PHLPP1: variants seen among roughly 807,000 people sequenced by gnomAD.
PHLPP1 encodes PH domain and leucine rich repeat protein phosphatase 1.
In PHLPP1, 42 loss-of-function variants were observed where a neutral mutation model predicts 117.2. That is an observed-to-expected ratio of 0.36 (90% CI 0.28 to 0.46). The LOEUF (loss-of-function observed/expected upper bound fraction) is 0.46, where lower values mean the gene tolerates loss of function less well. Ranked by LOEUF, PHLPP1 falls within the 20% of genes least tolerant of loss-of-function variation. The pLI is 1.00. For missense variants in PHLPP1, 2,084 were observed against 2,241.9 expected (o/e 0.93, Z 1.42); for synonymous variants, 1,042 against 970.7 (o/e 1.07, Z -1.37).
intron 6 of PHLPP1, among the ~76,000 whole-genome samples, chr18:62,898,659 A>G (rs487812): frequency 0.53 from 80,333 of 152,016 alleles, 21,509 homozygotes; most frequent in Middle Eastern, 0.63. Flanking sequence ...CTACTTTTCC[A>G]CAATGAGATG....
chr18:62,759,347 C>G (rs1490788295), intron 1 of PHLPP1, among the ~76,000 whole-genome samples: 1 of 152,158 alleles, frequency 6.6e-6, no homozygotes, highest in East Asian at 1.9e-4. Flanking sequence ...AATGAAAACT[C>G]TTTTCAGCCT....
chr18:62,932,271 A>G (rs770830536), intron 10 of PHLPP1, among the ~76,000 whole-genome samples: 64 of 152,088 alleles, frequency 4.2e-4, no homozygotes, highest in Non-Finnish European at 5.3e-4. Flanking sequence ...AACTCATTCT[A>G]TGAAACCAGT....
chr18:62,790,389 A>G (rs945471218), intron 1 of PHLPP1, among the ~76,000 whole-genome samples: 1 of 152,248 alleles, frequency 6.6e-6, no homozygotes, highest in Admixed American at 6.5e-5. Context: ...ATACTCTAAT[A>G]TAACCCCATA....
intron 1 of PHLPP1, among the ~76,000 whole-genome samples, chr18:62,747,828 TTC>T (rs1214106407): frequency 3.3e-5 from 5 of 152,202 alleles, no homozygotes; most frequent in Admixed American, 2.0e-4. Context: ...CTGATTTTTT[TTC>T]TTTTATTTCA....
chr18:62,727,346 T>C (rs540235012), intron 1 of PHLPP1, among the ~76,000 whole-genome samples: 12 of 151,880 alleles, frequency 7.9e-5, no homozygotes, highest in Non-Finnish European at 1.5e-4. Flanking sequence ...ATGTGGCACA[T>C]GCCTGTATTT....
At chr18:62,885,558 G>T (rs891352376) in intron 4 of PHLPP1, among the ~76,000 whole-genome samples, 2 of 152,176 alleles carry the variant, frequency 1.3e-5, no homozygotes, top group Admixed American at 6.5e-5. Context: ...TACTCGGGAG[G>T]CTGAGGCAGA....
chr18:62,860,353 T>C lies in PHLPP1; in HGVS notation c.1900-82T>C, dbSNP rs73458282. ...ACTTTCATAGAATATCTGTTCCAAA[T>C]TGGGATTATCTTATTTCTATCCATA... On this transcript the variant is annotated intron_variant, in intron 3 of 16. Transcript: ENST00000262719. 651 of 1,141,800 alleles carry C rather than the reference T, an allele frequency of 5.7e-4. 6 individuals carry two copies. In the African/African-American group the frequency reaches 9.2e-3, roughly 16 times the overall value. The allele number at this position is 1,141,800 out of a possible 1,614,324, so 70.7% of individuals were successfully genotyped here.
At chr18:62,967,107 T>C (rs1910926338) in intron 14 of PHLPP1, among the ~76,000 whole-genome samples, 1 of 152,184 alleles carries the variant, frequency 6.6e-6, no homozygotes, top group Admixed American at 6.5e-5. Context: ...CATGGACATA[T>C]TATGGTTTGT....
chr18:62,749,233 GT>G (rs375058081), intron 1 of PHLPP1, among the ~76,000 whole-genome samples: 11,452 of 142,706 alleles, frequency 0.08, 675 homozygotes, highest in African/African-American at 0.18. Flanking sequence ...TATATATAAG[GT>G]TTTTTTTTTT....
At position 62,978,284 on chromosome 18, in the gene PHLPP1, CTG is replaced by C; in HGVS notation, c.4008_4009del (p.Glu1337ValfsTer30). ...CAGGATGGCAAGGTGAACGGAGTGACTGAGTCCACGCGCATCCTGGGCTACAC... is the reference window on the plus strand; with the variant it reads ...CAGGATGGCAAGGTGAACGGAGTGACAGTCCACGCGCATCCTGGGCTACAC... On this transcript the variant is annotated frameshift_variant, in exon 17 of 17. Transcript: ENST00000262719. LOFTEE classifies it low-confidence loss of function (END_TRUNC). This position sits in a 1 kb window ranked among gnomAD's most constrained non-coding sequence, Gnocchi z 7.0. The C allele has an allele frequency of 6.2e-7, 1 of 1,606,542 alleles. No homozygotes were observed.
intron 4 of PHLPP1, among the ~76,000 whole-genome samples, chr18:62,865,805 C>T (rs902949050): frequency 6.6e-6 from 1 of 152,148 alleles, no homozygotes; most frequent in Admixed American, 6.5e-5. Context: ...ACTGCATGTT[C>T]TTACTTATAA....
At chr18:62,813,718 G>A (rs1914188306) in intron 1 of PHLPP1, among the ~76,000 whole-genome samples, 2 of 152,168 alleles carry the variant, frequency 1.3e-5, no homozygotes, top group South Asian at 4.1e-4. Flanking sequence ...GAGTGGCAGA[G>A]CCCCTCAATC....
chr18:62,963,714 A>G (rs905106722), intron 14 of PHLPP1, among the ~76,000 whole-genome samples: 6 of 152,216 alleles, frequency 3.9e-5, no homozygotes, highest in African/African-American at 1.4e-4. Flanking sequence ...GGTAACTGAC[A>G]CATTATATCT....
chr18:62,878,009 A>G (rs1916090777), intron 4 of PHLPP1, among the ~76,000 whole-genome samples: 1 of 152,206 alleles, frequency 6.6e-6, no homozygotes, highest in Non-Finnish European at 1.5e-5. Context: ...AGAGGCTGGT[A>G]TCTTCAAAAG....
intron 10 of PHLPP1, among the ~76,000 whole-genome samples, chr18:62,925,700 C>T (rs536359405): frequency 9.9e-5 from 15 of 152,130 alleles, no homozygotes; most frequent in South Asian, 2.1e-4. Flanking sequence ...TCTGATGTAT[C>T]GTGAAGTTCT....
chr18:62,726,061 G>A (rs540546491), intron 1 of PHLPP1, among the ~76,000 whole-genome samples: 7 of 151,952 alleles, frequency 4.6e-5, no homozygotes, highest in Admixed American at 6.6e-5. Flanking sequence ...CACTGCTATA[G>A]TTGGCAAACT....
chr18:62,715,703 C>A lies in PHLPP1; in HGVS notation c.20C>A (p.Ala7Asp). Residue 7 changes from alanine (A) to aspartate (D), a missense_variant, in exon 1 of 17, where the codon GCC (alanine) becomes GAC (aspartate). Physicochemically the swap from Ala to Asp is moderately radical, Grantham distance 126 (BLOSUM62 -2). Coordinates refer to ENST00000262719, the MANE Select transcript of PHLPP1 (RefSeq NM_194449.4). ...ACTGCAATGGAGCCCGCCGCCGCGG[C>A]CACGGTACAGCGACTCCCCGAGCTC... Reference protein sequence around the residue: MEPAAAATVQRLPELGR... With the variant: MEPAAADTVQRLPELGR... The A allele has an allele frequency of 7.7e-7, 1 of 1,291,972 alleles. No individual in the cohort carries two copies. Among genetic ancestry groups the A allele is most frequent in the Non-Finnish European group, 9.8e-7 (1 of 1,017,290 alleles). 80.0% of individuals were successfully genotyped at this position (1,291,972 alleles called of 1,614,324 possible). A position where few individuals can be genotyped will look rare whatever the true frequency, so the allele number is the denominator to read the frequency against.
chr18:62,927,933 C>G (rs917930273), intron 10 of PHLPP1, among the ~76,000 whole-genome samples: 2 of 151,880 alleles, frequency 1.3e-5, no homozygotes, highest in Non-Finnish European at 1.5e-5. Context: ...TATATTAAAA[C>G]TATTAGATTT....
chr18:62,888,287 ATGTGTGTGTGTG>A (rs200659921), intron 4 of PHLPP1, among the ~76,000 whole-genome samples: 1,435 of 130,894 alleles, frequency 0.011, 15 homozygotes, highest in South Asian at 0.047. Flanking sequence ...ATTTCACAAA[ATGTGTGTGTGTG>A]TGTGTGTGTG....
Sources: allele counts gnomAD v4.1 joint callset (sites outside exome capture counted in the v4.1 genomes callset), GRCh38; gene constraint gnomAD v4.1.1; non-coding constraint Gnocchi (gnomAD v3.1); transcripts MANE v1.5; gene names NCBI Gene and HGNC (gene_info 2026-07-23, HGNC 2026-07-21).